Variants in KRT15 observed in about 807,000 individuals in gnomAD.
KRT15 encodes keratin 15.
KRT15 carries 45 observed loss-of-function variants against 46.6 expected under a neutral mutation model. The observed-to-expected ratio is 0.97, with a 90% CI of 0.76 to 1.24. The LOEUF (loss-of-function observed/expected upper bound fraction) is 1.24, where lower values mean the gene tolerates loss of function less well. Among genes scored for constraint, KRT15 ranks in the 50% most tolerant of loss-of-function variants. The pLI is 0.00. For synonymous variants in KRT15, 221 were observed against 233.8 expected (o/e 0.95, Z 0.50); for missense variants, 592 against 588.9 (o/e 1.01, Z -0.05).
intron 3 of KRT15, 105 bp downstream of exon 3, chr17:41,516,703 G>A: frequency 2.2e-6 from 3 of 1,344,346 alleles, no homozygotes; most frequent in Non-Finnish European, 3.1e-6. Context: ...AAATCTGGGA[G>A]GGCTTCCTGG....
chr17:41,514,063 A>G lies in KRT15; in HGVS notation c.1331T>C (p.Val444Ala), dbSNP rs1905248819. 2 of 1,614,012 alleles carry G rather than the reference A, an allele frequency of 1.2e-6. No individual in the cohort carries two copies. The highest frequency in any genetic ancestry group is 3.3e-5 in the Admixed American group (2 of 60,002). ...SNFHINVEES[V>A]DGQVVSSHKR... is the part of the protein sequence containing the mutation. ...GTGGGAAGAAACCACCTGTCCATCCACTGACTCTTCTACATTGATGTGGAA... is the reference window on the plus strand; with the variant it reads ...GTGGGAAGAAACCACCTGTCCATCCGCTGACTCTTCTACATTGATGTGGAA... Residue 444 changes from valine (V) to alanine (A), a missense_variant, in exon 8 of 8, where the codon GTG becomes GCG. Coordinates refer to ENST00000254043, the MANE Select transcript of KRT15 (RefSeq NM_002275.4).
Position 41,518,821 on chromosome 17 carries a change from T to C in KRT15, c.7A>G (p.Thr3Ala), listed in dbSNP as rs1211653157. The change falls in exon 1 of 8, where the codon ACC becomes GCC. Residue 3 changes from threonine to alanine, a missense_variant. By Grantham distance (58) the Thr-to-Ala change is moderately conservative. Transcript: ENST00000254043. ...GAGGAAGAAGTTTGCAGAAATGTGG[T>C]GGTCATGGCCAGGTAGCTGGAGCCC... The part of the protein sequence containing the change: MT[T>A]TFLQTSSSTF... 25 of 1,531,520 alleles carry C rather than the reference T, an allele frequency of 1.6e-5. No individual in the cohort carries two copies. The highest frequency in any genetic ancestry group is 1.9e-5 in the Non-Finnish European group (22 of 1,145,936). 94.9% of individuals were successfully genotyped at this position (1,531,520 alleles called of 1,614,324 possible).
At chr17:41,514,551 A>T in intron 7 of KRT15, 98 bp downstream of exon 7, 1 of 1,131,164 alleles carries the variant, frequency 8.8e-7, no homozygotes, top group South Asian at 1.3e-5. Context: ...ACCTAATGGG[A>T]TGTTTGGGCT....
intron 3 of KRT15, 146 bp from the exon 4 acceptor site, chr17:41,516,411 C>G: frequency 1.2e-6 from 1 of 866,940 alleles, no homozygotes; most frequent in Non-Finnish European, 1.8e-6. Context: ...GTCACATGGA[C>G]CCCTCAGCTC....
At chr17:41,514,305 G>A (rs1397077992) in intron 7 of KRT15, 185 bp from the exon 8 acceptor site, 5 of 612,984 alleles carry the variant, frequency 8.2e-6, no homozygotes, top group Non-Finnish European at 1.5e-5. Flanking sequence ...AGTGGCAATG[G>A]CAGGTATGCC....
At chr17:41,514,959 C>T (rs557294395) in intron 6 of KRT15, 58 of 342,140 alleles carry the variant, frequency 1.7e-4, no homozygotes, top group Non-Finnish European at 2.5e-4. Context: ...CTCCGCCTCC[C>T]GGGTTCAAGT....
chr17:41,515,030 CTA>C lies in KRT15; in HGVS notation c.1248-358_1248-357del, dbSNP rs1242945115. 4 of 280,838 alleles carry C rather than the reference CTA, an allele frequency of 1.4e-5. 1 individual carries two copies. Among genetic ancestry groups the C allele is most frequent in the Non-Finnish European group, 2.7e-5 (4 of 146,856 alleles). The allele number at this position is 280,838 out of a possible 1,614,324, so 17.4% of individuals were successfully genotyped here. On this transcript the variant is annotated intron_variant, in intron 6 of 7. Transcript: ENST00000254043. ...TACAGGCACCCGCCACCACGCCCAG[CTA>C]ATTTTTGTATTTTTAGTAGAGACGG...
intron 6 of KRT15, 137 bp from the exon 7 acceptor site, chr17:41,514,811 G>A (rs936079315): frequency 1.3e-6 from 1 of 771,130 alleles, no homozygotes; most frequent in Non-Finnish European, 2.2e-6. Flanking sequence ...CTCTAGGGGT[G>A]GGACATCCTG....
rs1305736331 is a variant in KRT15 at position 41,514,031 on chromosome 17, C to A, written c.1363G>T (p.Glu455Ter). 6.2e-7 allele frequency: 1 copy of A among 1,612,266 alleles called. No individual in the cohort carries two copies. The highest frequency in any genetic ancestry group is 8.5e-7 in the Non-Finnish European group (1 of 1,178,316). The change falls in exon 8 of 8, where the codon GAA becomes TAA. Residue 455 changes from glutamate to a stop codon, truncating the protein, a stop_gained. Coordinates refer to ENST00000254043, the MANE Select transcript of KRT15 (RefSeq NM_002275.4). LOFTEE classifies it high-confidence loss of function. ...DGQVVSSHKR[E>*]I is the part of the protein sequence containing the mutation. Reference sequence around the variant, plus strand: ...TCTCCTGCAATAGACACTTAGATTTCTCTCTTGTGGGAAGAAACCACCTGT... The same window carrying A: ...TCTCCTGCAATAGACACTTAGATTTATCTCTTGTGGGAAGAAACCACCTGT...
chr17:41,516,387 C>T, intron 3 of KRT15, 122 bp from the exon 4 acceptor site: 4 of 1,083,246 alleles, frequency 3.7e-6, no homozygotes, highest in Admixed American at 2.1e-5. Flanking sequence ...CCCCATTGCA[C>T]ATGAAGAGGT....
At chr17:41,516,779 G>A (rs759839591) in intron 3 of KRT15, 29 bp downstream of exon 3, 7 of 1,613,000 alleles carry the variant, frequency 4.3e-6, no homozygotes, top group African/African-American at 1.3e-5. Flanking sequence ...CCTCTCTCGG[G>A]TTCAGGGGTG....
rs766394110 is a variant in KRT15, at chr17:41,515,468, C to T, written c.1247+4G>A. On this transcript the variant is annotated splice_donor_region_variant and intron_variant, in intron 6 of 7. Transcript: ENST00000254043. The stretch of plus-strand genomic sequence containing the variant: ...CACTCCTTCCCCTGTGCCCAGGCGC[C>T]TACTTGGCATCCTGGCCCTCGAGCA... The T allele has an allele frequency of 3.7e-6, 6 of 1,612,746 alleles. No individual in the cohort carries two copies. Among genetic ancestry groups the T allele is most frequent in the Non-Finnish European group, 5.1e-6 (6 of 1,179,886 alleles).
chr17:41,514,003 G>T lies in KRT15; in HGVS notation c.*20C>A, dbSNP rs372529305. 6.3e-7 allele frequency: 1 copy of T among 1,578,682 alleles called. No homozygotes were observed. Among genetic ancestry groups the T allele is most frequent in the Non-Finnish European group, 8.7e-7 (1 of 1,147,880 alleles). On this transcript the variant is annotated 3_prime_UTR_variant, in exon 8 of 8. Coordinates refer to ENST00000254043, the MANE Select transcript of KRT15 (RefSeq NM_002275.4). ...ATGAGAGTGGGGAGTGGCAAGGGAC[G>T]TTTCTCCTGCAATAGACACTTAGAT...
At position 41,516,230 on chromosome 17, in the gene KRT15, C is replaced by T. The variant is rs1905362159; in HGVS notation, c.774G>A (p.Gln258=). ...GTGCTGCGTCCATCTCCACATTGAC[C>T]TGGCCGGCCAGCTGGCTGCTGAACT... The part of the protein sequence containing the change: ...MKEFSSQLAG[Q]VNVEMDAAPG... Residue 258 remains glutamine (Q), a synonymous_variant, in exon 4 of 8, where the codon CAG becomes CAA. Transcript: ENST00000254043. 2 of 1,614,070 alleles carry T rather than the reference C, an allele frequency of 1.2e-6. No individual in the cohort carries two copies. The highest frequency in any genetic ancestry group is 1.7e-6 in the Non-Finnish European group (2 of 1,180,008).
At chr17:41,514,332 T>C (rs1309113135) in intron 7 of KRT15, 4 of 601,992 alleles carry the variant, frequency 6.6e-6, no homozygotes, top group Admixed American at 2.9e-5. Context: ...GGAGCAACAA[T>C]GTCAGGGTTT....
Position 41,516,904 on chromosome 17 carries a change from T to A in KRT15, c.642A>T (p.Arg214=). 6.2e-7 allele frequency: 1 copy of A among 1,614,224 alleles called. No homozygotes were observed. Among genetic ancestry groups the A allele is most frequent in the African/African-American group, 1.3e-5 (1 of 75,060 alleles). Residue 214 remains arginine (R), a synonymous_variant, in exon 3 of 8, where the codon CGA becomes CGT. Coordinates refer to ENST00000254043, the MANE Select transcript of KRT15 (RefSeq NM_002275.4). ...GVEADINGLR[R]VLDELTLART... is the part of the protein sequence containing the mutation. ...TGGCCAGGGTCAGCTCATCCAGGAC[T>A]CGGCGCAAGCCGTTGATGTCAGCCT...
At chr17:41,516,689 G>C in intron 3 of KRT15, 119 bp downstream of exon 3, 1 of 1,210,194 alleles carries the variant, frequency 8.3e-7, no homozygotes, top group East Asian at 2.4e-5. Flanking sequence ...ACTTAATCTC[G>C]TGAAAATCTG....
chr17:41,514,491 G>T, intron 7 of KRT15, 158 bp downstream of exon 7: 1 of 672,814 alleles, frequency 1.5e-6, no homozygotes, highest in Non-Finnish European at 2.6e-6. Flanking sequence ...ACCTGGGGCT[G>T]ACAGAAGTTC....
intron 3 of KRT15, among the ~76,000 whole-genome samples, 196 bp from the exon 4 acceptor site, chr17:41,516,461 A>T (rs1039905680): frequency 6.6e-6 from 1 of 151,586 alleles, no homozygotes; most frequent in Non-Finnish European, 1.5e-5. Flanking sequence ...CCAAGGGAGG[A>T]CCCCGAGACT....
Sources: gnomAD v4.1 joint callset for allele counts (sites outside exome capture counted in the v4.1 genomes callset) on GRCh38, gnomAD v4.1.1 for gene constraint, MANE v1.5 for transcripts, NCBI Gene and HGNC (gene_info 2026-07-23, HGNC 2026-07-21) for gene names.